Variants in NOX4 observed in about 807,000 individuals in gnomAD.
NOX4 encodes kidney oxidase-1.
In NOX4, 69 loss-of-function variants were observed where a neutral mutation model predicts 87.6. The observed-to-expected ratio is 0.79, with a 90% CI of 0.65 to 0.96. The LOEUF is 0.96. Among genes scored for constraint, NOX4 ranks in the 40% least tolerant of loss-of-function variants. The probability of loss-of-function intolerance (pLI) is 0.00; values close to 1 mark genes in which losing one functional copy is unlikely to be tolerated. For synonymous variants in NOX4, 275 were observed against 238.2 expected (o/e 1.15, Z -1.42); for missense variants, 680 against 681.5 (o/e 1.00, Z 0.02).
At chr11:89,360,823 T>G (rs1938466192) in intron 12 of NOX4, among the ~76,000 whole-genome samples, 1 of 151,900 alleles carries the variant, frequency 6.6e-6, no homozygotes, top group African/African-American at 2.4e-5. Context: ...AAAGAAGACA[T>G]ACAACAGCTA....
At chr11:89,578,322 C>T in the NOX4 span, among the ~76,000 whole-genome samples, 1 of 151,970 alleles carries the variant, frequency 6.6e-6, no homozygotes, top group Non-Finnish European at 1.5e-5. Context: ...CCACCACGCC[C>T]AGCTAATTTT....
intron 12 of NOX4, among the ~76,000 whole-genome samples, chr11:89,362,323 G>T (rs1392323391): frequency 1.3e-5 from 2 of 152,022 alleles, no homozygotes; most frequent in Non-Finnish European, 2.9e-5. Context: ...GTAGAATAAA[G>T]ATCAGCAATA....
chr11:89,371,858 C>G (rs1167761107), intron 12 of NOX4, among the ~76,000 whole-genome samples: 1 of 151,856 alleles, frequency 6.6e-6, no homozygotes, highest in African/African-American at 2.4e-5. Flanking sequence ...GTTATTACTG[C>G]TCAAAGATCT....
chr11:89,366,443 C>T (rs966304301), intron 12 of NOX4, among the ~76,000 whole-genome samples: 1 of 151,860 alleles, frequency 6.6e-6, no homozygotes, highest in East Asian at 1.9e-4. Flanking sequence ...TTTGGGAGGC[C>T]GAGGTGGGCT....
Position 89,377,736 on chromosome 11 carries a change from A to C in NOX4, c.1075-4244T>G, listed in dbSNP as rs980135404. ...TAAAAATCAAAAATGATTCCAAAAT[A>C]GCAACTTTTCAAAAACTAAATGTGT... On this transcript the variant is annotated intron_variant, in intron 11 of 17. Transcript: ENST00000263317. Among the ~76,000 whole-genome samples the C allele has an allele frequency of 4.0e-4, 61 of 152,268 alleles. 1 individual carries two copies. Among genetic ancestry groups the C allele is most frequent in the Admixed American group, 3.5e-3 (53 of 15,288 alleles).
intron 11 of NOX4, 91 bp downstream of exon 11, chr11:89,399,926 T>G: frequency 1.2e-6 from 1 of 827,064 alleles, no homozygotes; most frequent in Non-Finnish European, 1.9e-6. Flanking sequence ...ATGATAGCCT[T>G]GAATACCTTT....
At chr11:89,484,266 TA>T (rs995799934) in intron 2 of NOX4, among the ~76,000 whole-genome samples, 6 of 152,100 alleles carry the variant, frequency 3.9e-5, no homozygotes, top group African/African-American at 1.4e-4. Context: ...ACAACGAGGT[TA>T]AATATTGAGC....
intron 12 of NOX4, among the ~76,000 whole-genome samples, chr11:89,372,903 AC>A (rs1565208911): frequency 6.6e-6 from 1 of 151,972 alleles, no homozygotes; most frequent in East Asian, 1.9e-4. Flanking sequence ...AGCTCTTACT[AC>A]AATGCATCTC....
chr11:89,414,144 T>A (rs1013397755), intron 8 of NOX4, among the ~76,000 whole-genome samples: 1 of 152,054 alleles, frequency 6.6e-6, no homozygotes, highest in Non-Finnish European at 1.5e-5. Flanking sequence ...TAGGAATCAA[T>A]CCTCTTTCTT....
intron 11 of NOX4, among the ~76,000 whole-genome samples, chr11:89,377,720 A>G (rs1159369343): frequency 3.3e-5 from 5 of 152,316 alleles, no homozygotes; most frequent in Admixed American, 1.3e-4. Context: ...ATAAAAATCA[A>G]AAATGATTCC....
intron 7 of NOX4, among the ~76,000 whole-genome samples, chr11:89,431,278 T>C (rs2135308284): frequency 6.6e-6 from 1 of 152,160 alleles, no homozygotes; most frequent in East Asian, 1.9e-4. Context: ...GCAATACCAT[T>C]CAGGACATAC....
At chr11:89,564,755 T>G in the NOX4 span, among the ~76,000 whole-genome samples, 2 of 36,468 alleles carry the variant, frequency 5.5e-5, no homozygotes, top group African/African-American at 3.8e-4. Flanking sequence ...TTGTTTTTTG[T>G]TTTTTTTTTA....
In NOX4 at chr11:89,449,507, G is replaced by T; in HGVS notation, c.282C>A (p.Thr94=). Residue 94 remains threonine, a synonymous_variant, in exon 4 of 18, where the codon ACC becomes ACA. Transcript: ENST00000263317. ...TTCTGCTTTTATCCAACAATCTCCT[G>T]GTTCTCCTGCTTGGAACCTAAACAA... ...RGSQKVPSRR[T]RRLLDKSRTF... 2 of 1,611,114 alleles carry T rather than the reference G, an allele frequency of 1.2e-6. No individual in the cohort carries two copies. The highest frequency in any genetic ancestry group is 1.7e-6 in the Non-Finnish European group (2 of 1,178,342).
intron 12 of NOX4, among the ~76,000 whole-genome samples, chr11:89,371,271 T>C (rs2135050673): frequency 6.6e-6 from 1 of 152,096 alleles, no homozygotes; most frequent in East Asian, 1.9e-4. Flanking sequence ...TCAACAAATA[T>C]TTCAAGTCAA....
intron 13 of NOX4, among the ~76,000 whole-genome samples, chr11:89,350,135 A>C (rs1378702478): frequency 2.6e-5 from 4 of 152,186 alleles, no homozygotes. Flanking sequence ...CAATGTCTAC[A>C]ATTACATCCT....
At chr11:89,419,693 G>A (rs1276845131) in intron 8 of NOX4, among the ~76,000 whole-genome samples, 2 of 151,628 alleles carry the variant, frequency 1.3e-5, no homozygotes, top group Admixed American at 1.3e-4. Context: ...ATAAATTAAA[G>A]TCACTTTCTA....
intron 17 of NOX4, among the ~76,000 whole-genome samples, chr11:89,332,140 G>A (rs12805983): frequency 1.3e-5 from 2 of 151,652 alleles, no homozygotes; most frequent in African/African-American, 4.8e-5. Flanking sequence ...GTAAACGCAG[G>A]ATCTTACATA....
chr11:89,397,186 A>G (rs779514319), intron 11 of NOX4, among the ~76,000 whole-genome samples: 4 of 152,198 alleles, frequency 2.6e-5, no homozygotes, highest in Admixed American at 6.5e-5. Context: ...GCTCAACTAC[A>G]TGGAAACTGA....
rs202207397 is a variant in NOX4 at position 89,489,131 on chromosome 11, T to TA, written c.153+1326dup. On this transcript the variant is annotated intron_variant, in intron 2 of 17. Coordinates refer to ENST00000263317, the MANE Select transcript of NOX4 (RefSeq NM_016931.5). Reference sequence around the variant, plus strand: ...CAGATTATGATATTACTTTGTTGTATAAAAAATTAATTAATTAATTCAACT... The same window carrying TA: ...CAGATTATGATATTACTTTGTTGTATAAAAAAATTAATTAATTAATTCAACT... 555 of 569,982 alleles carry TA rather than the reference T, an allele frequency of 9.7e-4. 2 individuals carry two copies. Among genetic ancestry groups the TA allele is most frequent in the African/African-American group, 9.1e-3 (480 of 52,612 alleles). 35.3% of individuals were successfully genotyped at this position (569,982 alleles called of 1,614,324 possible).
Sources: allele counts gnomAD v4.1 joint callset (sites outside exome capture counted in the v4.1 genomes callset), GRCh38; gene constraint gnomAD v4.1.1; transcripts MANE v1.5; gene names NCBI Gene and HGNC (gene_info 2026-07-23, HGNC 2026-07-21).